Variants in VAV3 observed in about 807,000 individuals in gnomAD.
VAV3 encodes guanine nucleotide exchange factor VAV3.
VAV3 carries 94 observed loss-of-function variants against 131.2 expected under a neutral mutation model. The observed-to-expected ratio is 0.72, with a 90% CI of 0.61 to 0.85. VAV3 has a LOEUF of 0.85. VAV3 is among the 40% of genes least tolerant of loss of function. The pLI, the probability that VAV3 is intolerant of heterozygous loss-of-function variation, is 0.00. For synonymous variants in VAV3, 349 were observed against 342.0 expected (o/e 1.02, Z -0.22); for missense variants, 939 against 1,002.7 (o/e 0.94, Z 0.86).
In VAV3 at chr1:107,795,332, TA is replaced by T. The variant is rs1452855916; in HGVS notation, c.322-15841del. Among the ~76,000 whole-genome samples, 2 of 152,198 alleles carry T rather than the reference TA, an allele frequency of 1.3e-5. 1 individual carries two copies. Among genetic ancestry groups the T allele is most frequent in the Non-Finnish European group, 2.9e-5 (2 of 68,020 alleles). Reference sequence around the variant, plus strand: ...CCTTGCCACAATGGCAACCTTAACATATCCTCGGTGCTATATAAAAACTCTT... The same window carrying T: ...CCTTGCCACAATGGCAACCTTAACATTCCTCGGTGCTATATAAAAACTCTT... On this transcript the variant is annotated intron_variant, in intron 2 of 26. Transcript: ENST00000370056.
intron 2 of VAV3, among the ~76,000 whole-genome samples, chr1:107,784,651 G>A (rs1448407882): frequency 2.0e-5 from 3 of 152,118 alleles, no homozygotes; most frequent in African/African-American, 4.8e-5. Context: ...ATCTGACAAC[G>A]GAAAATTTCT....
At chr1:107,732,760 T>G (rs1395763056) in intron 15 of VAV3, among the ~76,000 whole-genome samples, 2 of 152,124 alleles carry the variant, frequency 1.3e-5, no homozygotes, top group East Asian at 3.9e-4. Context: ...TGTCTGCCTC[T>G]GTAGACTCCA....
At chr1:107,612,303 A>G (rs1016626177) in intron 21 of VAV3, among the ~76,000 whole-genome samples, 2 of 151,990 alleles carry the variant, frequency 1.3e-5, no homozygotes, top group Non-Finnish European at 2.9e-5. Context: ...TGAATAAACT[A>G]TCACGATTTC....
At chr1:107,748,729 G>A (rs1352095351) in intron 15 of VAV3, among the ~76,000 whole-genome samples, 2 of 152,144 alleles carry the variant, frequency 1.3e-5, no homozygotes, top group Non-Finnish European at 2.9e-5. Context: ...AAGTCAAACA[G>A]AAGATTAGAG....
intron 19 of VAV3, among the ~76,000 whole-genome samples, chr1:107,657,744 T>G (rs1656682783): frequency 1.3e-5 from 2 of 152,228 alleles, no homozygotes; most frequent in African/African-American, 2.4e-5. Flanking sequence ...ACACATATTA[T>G]GATTAAAGTT....
chr1:107,802,029 T>C (rs1666853462), intron 2 of VAV3, among the ~76,000 whole-genome samples: 1 of 152,198 alleles, frequency 6.6e-6, no homozygotes, highest in African/African-American at 2.4e-5. Context: ...ATGTGCCATC[T>C]CTTCATCGGC....
intron 12 of VAV3, among the ~76,000 whole-genome samples, chr1:107,754,224 A>C (rs180801722): frequency 2.0e-5 from 3 of 152,350 alleles, no homozygotes; most frequent in African/African-American, 4.8e-5. Context: ...ACAACAACAA[A>C]AAAATCTTGA....
intron 1 of VAV3, among the ~76,000 whole-genome samples, chr1:107,880,420 G>A (rs1424295478): frequency 6.6e-6 from 1 of 152,100 alleles, no homozygotes; most frequent in Admixed American, 6.5e-5. Context: ...AGAAGGAACA[G>A]AAGAGGGGAG....
chr1:107,575,229 C>T (rs1649561103), intron 25 of VAV3, among the ~76,000 whole-genome samples: 1 of 152,106 alleles, frequency 6.6e-6, no homozygotes, highest in Non-Finnish European at 1.5e-5. Context: ...CTGAGAATCA[C>T]TCATCGGAGG....
chr1:107,729,830 A>G (rs1185801623), intron 15 of VAV3, among the ~76,000 whole-genome samples: 1 of 152,264 alleles, frequency 6.6e-6, no homozygotes, highest in African/African-American at 2.4e-5. Context: ...GTTGTTTACC[A>G]TAACAAACGA....
At chr1:107,734,520 C>T (rs943266704) in intron 15 of VAV3, among the ~76,000 whole-genome samples, 2 of 152,136 alleles carry the variant, frequency 1.3e-5, no homozygotes, top group Non-Finnish European at 2.9e-5. Flanking sequence ...GAAGATCTAC[C>T]AACCAGATGG....
At chr1:107,621,009 C>T (rs568737511) in intron 20 of VAV3, among the ~76,000 whole-genome samples, 2 of 151,782 alleles carry the variant, frequency 1.3e-5, no homozygotes, top group South Asian at 4.2e-4. Flanking sequence ...TGGGTAGTGA[C>T]TAATAACTAT....
At chr1:107,808,344 A>G (rs1265683825) in intron 2 of VAV3, among the ~76,000 whole-genome samples, 1 of 152,224 alleles carries the variant, frequency 6.6e-6, no homozygotes, top group Non-Finnish European at 1.5e-5. Context: ...TAGGAAAGAT[A>G]AGGCAAAAGT....
In VAV3 at chr1:107,574,213, CA is replaced by C. The variant is rs1216708592; in HGVS notation, c.2351-16del. ...TGGACTTAACACTGTCAAGAAATGA[CA>C]AGCAATGACAGTAGGTTTGCAGTTC... On this transcript the variant is annotated splice_polypyrimidine_tract_variant and intron_variant, in intron 25 of 26. Transcript: ENST00000370056. 1 of 1,610,530 alleles carries C rather than the reference CA, an allele frequency of 6.2e-7. No individual in the cohort carries two copies. Among genetic ancestry groups the C allele is most frequent in the East Asian group, 2.2e-5 (1 of 44,864 alleles).
chr1:107,701,822 C>A (rs1348731503), intron 17 of VAV3, among the ~76,000 whole-genome samples: 2 of 152,168 alleles, frequency 1.3e-5, no homozygotes, highest in Non-Finnish European at 2.9e-5. Context: ...AGTTCCTCAT[C>A]TCCATTTGGG....
chr1:107,581,963 A>G lies in VAV3; in HGVS notation c.2351-7765T>C, dbSNP rs984867174. 2.6e-5 allele frequency among the ~76,000 whole-genome samples: 4 copies of G among 152,210 alleles called. No individual in the cohort carries two copies. In the East Asian group the frequency reaches 5.8e-4, roughly 22 times the overall value. On this transcript the variant is annotated intron_variant, in intron 25 of 26. Coordinates refer to ENST00000370056, the MANE Select transcript of VAV3 (RefSeq NM_006113.5). ...CATTACCCTAAGTTGCTTGCTAAGT[A>G]TTCTCTGGGACAGACATTCCTTAAC...
intron 25 of VAV3, among the ~76,000 whole-genome samples, chr1:107,586,320 A>G (rs999220605): frequency 2.6e-5 from 4 of 152,150 alleles, no homozygotes; most frequent in African/African-American, 9.7e-5. Context: ...TAGGCTCTCA[A>G]TTAAGATCTG....
In VAV3 at chr1:107,573,859, T is replaced by A. The variant is rs1280159389; in HGVS notation, c.2502+188A>T. On this transcript the variant is annotated intron_variant, in intron 26 of 26. Transcript: ENST00000370056. Reference sequence around the variant, plus strand: ...AATTTTATTTATGTCACTATCATATTCATTTCAAATATTTTCAGCGAGTCC... The same window carrying A: ...AATTTTATTTATGTCACTATCATATACATTTCAAATATTTTCAGCGAGTCC... 1.1e-4 allele frequency among the ~76,000 whole-genome samples: 16 copies of A among 152,186 alleles called. 1 individual carries two copies.
intron 1 of VAV3, among the ~76,000 whole-genome samples, chr1:107,890,560 T>C (rs914369484): frequency 1.1e-4 from 17 of 152,118 alleles, no homozygotes; most frequent in Non-Finnish European, 2.4e-4. Context: ...CAATAGTGAA[T>C]TAACAGTGTT....
Sources: gnomAD v4.1 joint callset for allele counts (sites outside exome capture counted in the v4.1 genomes callset) on GRCh38, gnomAD v4.1.1 for gene constraint, MANE v1.5 for transcripts, NCBI Gene and HGNC (gene_info 2026-07-23, HGNC 2026-07-21) for gene names.